Variants in MPDZ observed in about 807,000 individuals in gnomAD.
The protein encoded by MPDZ is multiple PDZ domain crumbs cell polarity complex component.
MPDZ carries 234 observed loss-of-function variants against 239.1 expected under a neutral mutation model. That is an observed-to-expected ratio of 0.98 (90% CI 0.88 to 1.09). The LOEUF (loss-of-function observed/expected upper bound fraction) is 1.09, where lower values mean the gene tolerates loss of function less well. Among genes scored for constraint, MPDZ ranks in the 50% least tolerant of loss-of-function variants. The probability of loss-of-function intolerance (pLI) is 0.00; values close to 1 mark genes in which losing one functional copy is unlikely to be tolerated. For synonymous variants in MPDZ, 1,048 were observed against 881.3 expected, an observed-to-expected ratio of 1.19 and a Z score of -3.35; for missense variants, 3,175 against 2,510.0, an observed-to-expected ratio of 1.26 and a Z score of -5.66.
At chr9:13,250,662 G>A (rs998199713) in intron 1 of MPDZ, among the ~76,000 whole-genome samples, 1 of 152,160 alleles carries the variant, frequency 6.6e-6, no homozygotes, top group African/African-American at 2.4e-5. Flanking sequence ...AGAGTTCTCA[G>A]TACAGACCAC....
chr9:13,172,432 G>A lies in MPDZ; in HGVS notation c.3055+3320C>T, dbSNP rs1384486456. On this transcript the variant is annotated intron_variant, in intron 21 of 46. Transcript: ENST00000319217. ...AGTTTTGCTCTTGTCACCTAGGCTG[G>A]AGTGTAGTGGCACGATCTCGGCTCA... Among the ~76,000 whole-genome samples the A allele has an allele frequency of 2.0e-5, 3 of 149,426 alleles. No homozygotes were observed. In the South Asian group the frequency reaches 6.3e-4, roughly 31 times the overall value.
chr9:13,238,911 T>C (rs1392925986), intron 3 of MPDZ, among the ~76,000 whole-genome samples: 1 of 152,192 alleles, frequency 6.6e-6, no homozygotes, highest in Non-Finnish European at 1.5e-5. Flanking sequence ...AAACATGTAA[T>C]GGGTTTACTA....
intron 26 of MPDZ, among the ~76,000 whole-genome samples, chr9:13,144,469 C>A (rs970052330): frequency 1.3e-4 from 20 of 152,018 alleles, no homozygotes; most frequent in African/African-American, 4.8e-4. Flanking sequence ...TTTTCACACC[C>A]GCTATCTTTT....
At chr9:13,168,153 C>T (rs2133888853) in intron 22 of MPDZ, among the ~76,000 whole-genome samples, 1 of 152,182 alleles carries the variant, frequency 6.6e-6, no homozygotes, top group African/African-American at 2.4e-5. Flanking sequence ...AAATACAAAG[C>T]AACGTTTCCA....
At chr9:13,268,447 A>C (rs374293380) in intron 1 of MPDZ, among the ~76,000 whole-genome samples, 2 of 152,272 alleles carry the variant, frequency 1.3e-5, no homozygotes, top group East Asian at 3.9e-4. Context: ...CAGGCCCCCA[A>C]GTCTTTATCC....
chr9:13,153,096 G>A (rs1949401673), intron 24 of MPDZ, among the ~76,000 whole-genome samples: 1 of 152,108 alleles, frequency 6.6e-6, no homozygotes, highest in South Asian at 2.1e-4. Context: ...TGACATTTAA[G>A]GAGTTCCTAG....
chr9:13,168,967 A>G (rs557291046), intron 21 of MPDZ, among the ~76,000 whole-genome samples: 1 of 152,314 alleles, frequency 6.6e-6, no homozygotes, highest in Non-Finnish European at 1.5e-5. Flanking sequence ...CATGTAAATT[A>G]AGCAATTATC....
rs145353057 is a variant in MPDZ at position 13,190,119 on chromosome 9, A to G, written c.2149T>C (p.Tyr717His). 1.2e-6 allele frequency: 2 copies of G among 1,611,484 alleles called. No individual in the cohort carries two copies. The highest frequency in any genetic ancestry group is 1.7e-6 in the Non-Finnish European group (2 of 1,178,714). ...SKGLGFSILD[Y>H]QDPIDPASTV... The stretch of plus-strand genomic sequence containing the variant: ...TAAAAGTAGTATATACTTACCTGAT[A>G]ATCTAAAATGCTAAAACCAAGTCCT... The change falls in exon 16 of 47, where the codon TAT becomes CAT. Residue 717 changes from tyrosine to histidine, a missense_variant. Coordinates refer to ENST00000319217, the MANE Select transcript of MPDZ (RefSeq NM_001378778.1).
intron 12 of MPDZ, among the ~76,000 whole-genome samples, chr9:13,200,281 T>C (rs558958318): frequency 2.6e-5 from 4 of 152,036 alleles, no homozygotes; most frequent in Non-Finnish European, 4.4e-5. Context: ...ATTTCAATAG[T>C]ATCAATTATA....
chr9:13,183,440 G>T lies in MPDZ; in HGVS notation c.2627C>A (p.Ser876Tyr), dbSNP rs1398426400. The change falls in exon 19 of 47, where the codon TCC (serine) becomes TAC (tyrosine). Residue 876 changes from serine (S) to tyrosine (Y), a missense_variant. Ser to Tyr is a moderately radical substitution (Grantham distance 144). Coordinates refer to ENST00000319217, the MANE Select transcript of MPDZ (RefSeq NM_001378778.1). ...SCGDGLNYGS[S>Y]LPSSPPKDVI... is the part of the protein sequence containing the mutation. Reference sequence around the variant, plus strand: ...TACCTTAGGAGGAGATGATGGAAGGGAAGAACCATAGTTCAGGCCATCACC... The same window carrying T: ...TACCTTAGGAGGAGATGATGGAAGGTAAGAACCATAGTTCAGGCCATCACC... The T allele has an allele frequency of 1.9e-6, 3 of 1,608,060 alleles. No individual in the cohort carries two copies. Among genetic ancestry groups the T allele is most frequent in the Non-Finnish European group, 2.5e-6 (3 of 1,177,608 alleles).
intron 12 of MPDZ, among the ~76,000 whole-genome samples, chr9:13,202,340 G>A (rs900050190): frequency 6.6e-6 from 1 of 152,122 alleles, no homozygotes; most frequent in Admixed American, 6.6e-5. Flanking sequence ...GATTTAAGCT[G>A]GCACCAAAAC....
intron 3 of MPDZ, among the ~76,000 whole-genome samples, chr9:13,240,580 TAAAAAA>T (rs71331533): frequency 2.3e-5 from 1 of 44,012 alleles, no homozygotes; most frequent in African/African-American, 1.2e-4. Context: ...ATAATAAAAG[TAAAAAA>T]AAAAAAAAAA....
At chr9:13,134,957 T>C (rs561287586) in intron 31 of MPDZ, 1 of 152,310 alleles carries the variant, frequency 6.6e-6, no homozygotes, top group Non-Finnish European at 1.5e-5. Context: ...CACATGATTC[T>C]GCCCTTGGCC....
In MPDZ at chr9:13,160,177, G is replaced by A. The variant is rs567152884; in HGVS notation, c.3360-2067C>T. ...CATATTTTTATATGGCACATGCTTC[G>A]TAGACTTGTGCAATTCCTTCCTTGC... On this transcript the variant is annotated intron_variant, in intron 23 of 46. Coordinates refer to ENST00000319217, the MANE Select transcript of MPDZ (RefSeq NM_001378778.1). Among the ~76,000 whole-genome samples, 18 of 152,230 alleles carry A rather than the reference G, an allele frequency of 1.2e-4. No homozygotes were observed. In the South Asian group the frequency reaches 2.7e-3, roughly 23 times the overall value.
chr9:13,119,404 A>G, intron 39 of MPDZ, 98 bp downstream of exon 39: 1 of 1,407,284 alleles, frequency 7.1e-7, no homozygotes, highest in East Asian at 2.3e-5. Flanking sequence ...CACTTTAAAT[A>G]AAGAGAAGTC....
chr9:13,273,868 TATC>T (rs1330688240), intron 1 of MPDZ, among the ~76,000 whole-genome samples: 2 of 152,216 alleles, frequency 1.3e-5, no homozygotes, highest in African/African-American at 4.8e-5. Context: ...TAGTGAACTG[TATC>T]ATATCTCTTC....
chr9:13,158,136 A>G (rs1325351406), intron 23 of MPDZ, 26 bp from the exon 24 acceptor site: 13 of 1,578,366 alleles, frequency 8.2e-6, no homozygotes, highest in Non-Finnish European at 1.0e-5. Flanking sequence ...CACAATGAGT[A>G]CCCCAAAATC....
intron 18 of MPDZ, among the ~76,000 whole-genome samples, chr9:13,184,907 T>C (rs1463634614): frequency 2.0e-5 from 3 of 152,006 alleles, no homozygotes; most frequent in Non-Finnish European, 4.4e-5. Flanking sequence ...TATTATAAGA[T>C]GCCAAGCTCA....
At chr9:13,268,562 T>C (rs996018590) in intron 1 of MPDZ, among the ~76,000 whole-genome samples, 3 of 152,002 alleles carry the variant, frequency 2.0e-5, no homozygotes, top group Non-Finnish European at 2.9e-5. Context: ...GGCAACGTGA[T>C]AGGTAAAGTT....
Sources: gnomAD v4.1 joint callset for allele counts (sites outside exome capture counted in the v4.1 genomes callset) on GRCh38, gnomAD v4.1.1 for gene constraint, MANE v1.5 for transcripts, NCBI Gene and HGNC (gene_info 2026-07-23, HGNC 2026-07-21) for gene names.